Variants in DOCK3 observed in about 807,000 individuals in gnomAD.
The protein encoded by DOCK3 is dedicator of cytokinesis protein 3.
DOCK3 carries 60 observed loss-of-function variants against 265.6 expected under a neutral mutation model. The ratio of observed to expected loss-of-function variants is 0.23; its 90% confidence interval spans 0.18 to 0.28. The LOEUF is 0.28. DOCK3 is among the 10% of genes least tolerant of loss of function. The pLI is 1.00. For missense variants in DOCK3, 1,981 were observed against 2,594.3 expected (o/e 0.76, Z 5.14); for synonymous variants, 881 against 938.0 (o/e 0.94, Z 1.11).
intron 3 of DOCK3, among the ~76,000 whole-genome samples, chr3:50,881,990 A>G (rs984259850): frequency 6.6e-6 from 1 of 152,204 alleles, no homozygotes; most frequent in African/African-American, 2.4e-5. Context: ...CTCTTTGACA[A>G]ACCTGACAAA....
chr3:51,160,638 T>C lies in DOCK3; in HGVS notation c.973T>C (p.Leu325=). The part of the protein sequence containing the change: ...RPYGCAVLSI[L]DVLQSLTEVK... ...ATATGGCTGTGCGGTCCTAAGCATC[T>C]TGGATGTCCTACAGTCACTCACAGA... Residue 325 remains leucine (L), a synonymous_variant, in exon 12 of 53, where the codon TTG becomes CTG. Coordinates refer to ENST00000266037, the MANE Select transcript of DOCK3 (RefSeq NM_004947.5). 6.2e-7 allele frequency: 1 copy of C among 1,613,192 alleles called. No individual in the cohort carries two copies. Among genetic ancestry groups the C allele is most frequent in the South Asian group, 1.1e-5 (1 of 90,920 alleles).
chr3:50,798,543 T>C (rs2042911214), intron 2 of DOCK3, among the ~76,000 whole-genome samples: 1 of 152,212 alleles, frequency 6.6e-6, no homozygotes, highest in African/African-American at 2.4e-5. Context: ...CCTGTGTTCT[T>C]ACAGGAGCTC....
Position 51,370,069 on chromosome 3 carries a change from G to GT in DOCK3, c.5294-4399dup, listed in dbSNP as rs59060820. Among the ~76,000 whole-genome samples the GT allele has an allele frequency of 6.2e-3, 939 of 152,338 alleles. 11 individuals carry two copies. The highest frequency in any genetic ancestry group is 0.022 in the African/African-American group (902 of 41,574). On this transcript the variant is annotated intron_variant, in intron 49 of 52. Transcript: ENST00000266037. The stretch of plus-strand genomic sequence containing the variant: ...ATCGGTGCATGCTGAAGATTTGTCA[G>GT]TATGTGAAAGCTGCAGACATAGAGA...
At chr3:50,973,171 G>A (rs1172121607) in intron 5 of DOCK3, among the ~76,000 whole-genome samples, 2 of 146,144 alleles carry the variant, frequency 1.4e-5, no homozygotes, top group African/African-American at 5.1e-5. Flanking sequence ...AAGTTTTAGG[G>A]TATGTGTGCA....
At chr3:50,737,184 G>C (rs569623082) in intron 1 of DOCK3, among the ~76,000 whole-genome samples, 1 of 152,202 alleles carries the variant, frequency 6.6e-6, no homozygotes, top group Admixed American at 6.5e-5. Flanking sequence ...TTTCTTTGCT[G>C]TGCAGAAGCT....
chr3:51,207,482 G>C (rs1204506093), intron 12 of DOCK3, among the ~76,000 whole-genome samples: 1 of 152,072 alleles, frequency 6.6e-6, no homozygotes. Flanking sequence ...AATTCTGTAG[G>C]CAGAAAGTTA....
intron 38 of DOCK3, among the ~76,000 whole-genome samples, chr3:51,343,127 A>G (rs547038704): frequency 1.1e-4 from 16 of 151,302 alleles, no homozygotes; most frequent in South Asian, 2.1e-4. Context: ...ATGCTATGGG[A>G]AAAAAAAATG....
intron 2 of DOCK3, among the ~76,000 whole-genome samples, chr3:50,796,200 C>G (rs1487463335): frequency 3.4e-5 from 5 of 148,828 alleles, no homozygotes; most frequent in Non-Finnish European, 5.9e-5. Flanking sequence ...ACCACCATGC[C>G]CAGCTAATTT....
At chr3:51,180,914 G>A (rs2087253624) in intron 12 of DOCK3, among the ~76,000 whole-genome samples, 2 of 152,162 alleles carry the variant, frequency 1.3e-5, no homozygotes, top group African/African-American at 4.8e-5. Flanking sequence ...TTCATGCATA[G>A]GTCGTTCTAG....
chr3:50,919,667 T>A (rs1474161158), intron 4 of DOCK3, among the ~76,000 whole-genome samples: 2 of 152,208 alleles, frequency 1.3e-5, no homozygotes, highest in Admixed American at 1.3e-4. Flanking sequence ...TGATAGGGTT[T>A]TCTAACTATA....
chr3:51,031,707 C>T (rs897403001), intron 5 of DOCK3, among the ~76,000 whole-genome samples: 2 of 152,188 alleles, frequency 1.3e-5, no homozygotes, highest in Admixed American at 6.5e-5. Context: ...CATGTCGAAA[C>T]TTAAGCCCCA....
At chr3:50,874,518 G>T (rs1371927145) in intron 3 of DOCK3, among the ~76,000 whole-genome samples, 1 of 127,104 alleles carries the variant, frequency 7.9e-6, no homozygotes. Context: ...AATAAATAAA[G>T]AAAAAAAAAA....
rs554853489 is a variant in DOCK3, at chr3:51,267,229, A to G, written c.2356-3586A>G. ...TTTTACACTGTTGGTGGAAGTGTAAATTAGTTCAACCATTGTGGAAGACAG... is the reference window on the plus strand; with the variant it reads ...TTTTACACTGTTGGTGGAAGTGTAAGTTAGTTCAACCATTGTGGAAGACAG... On this transcript the variant is annotated intron_variant, in intron 23 of 52. Transcript: ENST00000266037. Among the ~76,000 whole-genome samples the G allele has an allele frequency of 1.6e-4, 24 of 152,322 alleles. 1 individual carries two copies. Among genetic ancestry groups the G allele is most frequent in the African/African-American group, 5.8e-4 (24 of 41,570 alleles).
chr3:51,013,139 G>A (rs1173047982), intron 5 of DOCK3, among the ~76,000 whole-genome samples: 3 of 152,278 alleles, frequency 2.0e-5, no homozygotes, highest in Admixed American at 6.5e-5. Context: ...ACTTTCTGAA[G>A]CCTACTTCTG....
rs2088657935 is a variant in DOCK3, at chr3:51,381,634, C to G, written c.*75C>G. 3.5e-6 allele frequency: 5 copies of G among 1,433,804 alleles called. No homozygotes were observed. Among genetic ancestry groups the G allele is most frequent in the Middle Eastern group, 2.6e-4 (1 of 3,908 alleles). The allele number at this position is 1,433,804 out of a possible 1,614,324, so 88.8% of individuals were successfully genotyped here. ...CACTCCAGGTCTGAAAAGCAAGTCC[C>G]CCAGCCCCACCCCAGGGAGCCAGAG... On this transcript the variant is annotated 3_prime_UTR_variant, in exon 53 of 53. Coordinates refer to ENST00000266037, the MANE Select transcript of DOCK3 (RefSeq NM_004947.5). This position sits in a 1 kb window ranked among gnomAD's most constrained non-coding sequence, Gnocchi z 5.6.
Position 50,738,400 on chromosome 3 carries a change from G to A in DOCK3, c.38-40275G>A, listed in dbSNP as rs1214415730. On this transcript the variant is annotated intron_variant, in intron 1 of 52. Coordinates refer to ENST00000266037, the MANE Select transcript of DOCK3 (RefSeq NM_004947.5). ...CTGGGTTTGTAGGGCCTGGCCCGGAGCCTGAGTCCATGGGAGCTGACCTAG... is the reference window on the plus strand; with the variant it reads ...CTGGGTTTGTAGGGCCTGGCCCGGAACCTGAGTCCATGGGAGCTGACCTAG... 5.9e-5 allele frequency among the ~76,000 whole-genome samples: 9 copies of A among 152,212 alleles called. No individual in the cohort carries two copies. In the East Asian group the frequency reaches 1.7e-3, roughly 29 times the overall value.
chr3:50,808,882 C>T (rs573404271), intron 2 of DOCK3, among the ~76,000 whole-genome samples: 1 of 152,248 alleles, frequency 6.6e-6, no homozygotes, highest in South Asian at 2.1e-4. Context: ...ATGGCCTATC[C>T]AGTAAATGAT....
intron 22 of DOCK3, among the ~76,000 whole-genome samples, chr3:51,255,903 G>T (rs763528869): frequency 3.3e-5 from 5 of 152,180 alleles, no homozygotes; most frequent in African/African-American, 1.2e-4. Flanking sequence ...TCTTTGTTCT[G>T]TTGCTGGCGA....
intron 3 of DOCK3, among the ~76,000 whole-genome samples, chr3:50,872,872 C>T (rs980500148): frequency 6.6e-6 from 1 of 152,190 alleles, no homozygotes; most frequent in Non-Finnish European, 1.5e-5. Context: ...ATTTTAAGGC[C>T]AAGAGCTCTT....
Sources: allele counts gnomAD v4.1 joint callset (sites outside exome capture counted in the v4.1 genomes callset), GRCh38; gene constraint gnomAD v4.1.1; non-coding constraint Gnocchi (gnomAD v3.1); transcripts MANE v1.5; gene names NCBI Gene and HGNC (gene_info 2026-07-23, HGNC 2026-07-21).